Variants in JRK observed in about 807,000 individuals in gnomAD.
The protein encoded by JRK is Jrk helix-turn-helix protein.
For synonymous variants in JRK, 303 were observed against 218.1 expected, an observed-to-expected ratio of 1.39 and a Z score of -3.43; for missense variants, 720 against 509.2, an observed-to-expected ratio of 1.41 and a Z score of -3.98.
chr8:142,667,996 G>A lies in JRK; in HGVS notation c.-462-1476C>T, dbSNP rs139590027. Among the ~76,000 whole-genome samples, 23 of 152,352 alleles carry A rather than the reference G, an allele frequency of 1.5e-4. 1 individual carries two copies. The East Asian group carries it at 4.2e-3, about 28-fold the overall frequency. On this transcript the variant is annotated intron_variant, in intron 1 of 1. Transcript: ENST00000612905. ...TCACCCAGTTAAGACACTGCTGAGGGTGGTGAGGGCTGAAAAGCTGTTTGC... is the reference window on the plus strand; with the variant it reads ...TCACCCAGTTAAGACACTGCTGAGGATGGTGAGGGCTGAAAAGCTGTTTGC...
In JRK at chr8:142,668,923, C is replaced by T. The variant is rs587769266; in HGVS notation, c.-463+1009G>A. ...TCCCCAGTCAGCCCCTCACAAGCTA[C>T]TGTGGGATTCCCTGTCTCCCCGAAA... On this transcript the variant is annotated intron_variant, in intron 1 of 1. Transcript: ENST00000612905. Among the ~76,000 whole-genome samples, 6 of 151,850 alleles carry T rather than the reference C, an allele frequency of 4.0e-5. No homozygotes were observed. The South Asian group carries it at 1.0e-3, about 26-fold the overall frequency.
Position 142,658,518 on chromosome 8 carries a change from T to C in JRK, c.*5834A>G, listed in dbSNP as rs148047570. 6.6e-5 allele frequency: 14 copies of C among 211,460 alleles called. No individual in the cohort carries two copies. The East Asian group carries it at 1.6e-3, about 24-fold the overall frequency. The allele number at this position is 211,460 out of a possible 1,614,324, so 13.1% of individuals were successfully genotyped here. A position where few individuals can be genotyped will look rare whatever the true frequency, so the allele number is the denominator to read the frequency against. ...ACAGGCGTGAGCCACTGCACCCAGC[T>C]TGAAGATGGCAGTTTTCTTGTATGC... On this transcript the variant is annotated 3_prime_UTR_variant, in exon 2 of 2. Coordinates refer to ENST00000612905, the MANE Select transcript of JRK (RefSeq NM_003724.4).
intron 1 of JRK, among the ~76,000 whole-genome samples, chr8:142,668,845 G>T (rs1554636698): frequency 6.6e-6 from 1 of 151,726 alleles, no homozygotes; most frequent in Admixed American, 6.6e-5. Flanking sequence ...TGTCCACAAG[G>T]AGCCCGTGTC....
the JRK span, among the ~76,000 whole-genome samples, chr8:142,649,919 G>A: frequency 1.4e-4 from 22 of 152,340 alleles, no homozygotes; most frequent in African/African-American, 5.3e-4. Context: ...AGCTTGCACC[G>A]TGTGCCTGGA....
In JRK at chr8:142,663,295, A is replaced by T. The variant is rs1262893607; in HGVS notation, c.*1057T>A. The T allele has an allele frequency of 2.7e-5, 27 of 985,356 alleles. No homozygotes were observed. The highest frequency in any genetic ancestry group is 3.3e-5 in the Non-Finnish European group (27 of 829,938). The allele number at this position is 985,356 out of a possible 1,614,324, so 61.0% of individuals were successfully genotyped here. A position where few individuals can be genotyped will look rare whatever the true frequency, so the allele number is the denominator to read the frequency against. Reference sequence around the variant, plus strand: ...GAGATGCCGCAAAGCAACTACAGACATGGAGAAAATAACCACATCCTCTTA... The same window carrying T: ...GAGATGCCGCAAAGCAACTACAGACTTGGAGAAAATAACCACATCCTCTTA... On this transcript the variant is annotated 3_prime_UTR_variant, in exon 2 of 2. Coordinates refer to ENST00000612905, the MANE Select transcript of JRK (RefSeq NM_003724.4).
At chr8:142,667,811 G>A (rs181041279) in intron 1 of JRK, among the ~76,000 whole-genome samples, 21 of 152,214 alleles carry the variant, frequency 1.4e-4, no homozygotes, top group East Asian at 5.8e-4. Context: ...AAGACAATGC[G>A]GGTCATTCTC....
At chr8:142,653,274 T>A (rs947628770), downstream of JRK, among the ~76,000 whole-genome samples, 13 of 152,236 alleles carry the variant, frequency 8.5e-5, no homozygotes, top group Admixed American at 7.9e-4. Context: ...TCTGCTAAGA[T>A]GTAGGGATAA....
Position 142,658,755 on chromosome 8 carries a change from G to C in JRK, c.*5597C>G, listed in dbSNP as rs1056012. 1.2e-4 allele frequency: 184 copies of C among 1,507,354 alleles called. 1 individual carries two copies. The Middle Eastern group carries it at 2.9e-3, about 23-fold the overall frequency. 93.4% of individuals were successfully genotyped at this position (1,507,354 alleles called of 1,614,324 possible). A position where few individuals can be genotyped will look rare whatever the true frequency, so the allele number is the denominator to read the frequency against. On this transcript the variant is annotated 3_prime_UTR_variant, in exon 2 of 2. Coordinates refer to ENST00000612905, the MANE Select transcript of JRK (RefSeq NM_003724.4). ...CAGTCCTTAACACCATCGTCATGGAGATGGAGGCCACAGACCTACCAACAC... is the reference window on the plus strand; with the variant it reads ...CAGTCCTTAACACCATCGTCATGGACATGGAGGCCACAGACCTACCAACAC...
chr8:142,666,101 G>C lies in JRK; in HGVS notation c.-43C>G, dbSNP rs782061988. On this transcript the variant is annotated 5_prime_UTR_variant, in exon 2 of 2. Transcript: ENST00000612905. Reference sequence around the variant, plus strand: ...CCTAGCACTTGCAGGACACACGCCTGGCCTGGGCTGCTGCCACTACTTCCC... The same window carrying C: ...CCTAGCACTTGCAGGACACACGCCTCGCCTGGGCTGCTGCCACTACTTCCC... 1.3e-6 allele frequency: 2 copies of C among 1,565,188 alleles called. No homozygotes were observed. Among genetic ancestry groups the C allele is most frequent in the Non-Finnish European group, 1.7e-6 (2 of 1,155,390 alleles).
the JRK span, among the ~76,000 whole-genome samples, chr8:142,651,723 A>G: frequency 6.6e-6 from 1 of 152,182 alleles, no homozygotes; most frequent in Non-Finnish European, 1.5e-5. Context: ...AAAACAAACA[A>G]TTGCACAACT....
Position 142,659,222 on chromosome 8 carries a change from C to A in JRK, c.*5130G>T. 8.7e-7 allele frequency: 1 copy of A among 1,143,008 alleles called. No homozygotes were observed. The allele number at this position is 1,143,008 out of a possible 1,614,324, so 70.8% of individuals were successfully genotyped here. A position where few individuals can be genotyped will look rare whatever the true frequency, so the allele number is the denominator to read the frequency against. ...TTTCACACACATCAGAAATAGGGAA[C>A]CCAAGACCTCGAGAGAGGAAATGGG... On this transcript the variant is annotated 3_prime_UTR_variant, in exon 2 of 2. Transcript: ENST00000612905.
chr8:142,659,758 A>G lies in JRK; in HGVS notation c.*4594T>C, dbSNP rs3735993. On this transcript the variant is annotated 3_prime_UTR_variant, in exon 2 of 2. Transcript: ENST00000612905. ...GCTCAAGGTCATGCAGCTGGTGAAC[A>G]GCAGGGAGTGAGCAGTGGAGAACGT... The G allele has an allele frequency of 0.67, 662,736 of 985,306 alleles. 224,313 individuals carry two copies. The highest frequency in any genetic ancestry group is 0.71 in the Admixed American group (11,591 of 16,284). The allele number at this position is 985,306 out of a possible 1,614,324, so 61.0% of individuals were successfully genotyped here.
chr8:142,659,027 G>A lies in JRK; in HGVS notation c.*5325C>T, dbSNP rs1382041264. 1 of 1,483,874 alleles carries A rather than the reference G, an allele frequency of 6.7e-7. No homozygotes were observed. Among genetic ancestry groups the A allele is most frequent in the Non-Finnish European group, 9.0e-7 (1 of 1,109,670 alleles). The allele number at this position is 1,483,874 out of a possible 1,614,324, so 91.9% of individuals were successfully genotyped here. ...GGGTGTAGTCACTTCCCTCTGCCAG[G>A]GAGAATGGTGGAGGAAGAATGGATT... On this transcript the variant is annotated 3_prime_UTR_variant, in exon 2 of 2. Coordinates refer to ENST00000612905, the MANE Select transcript of JRK (RefSeq NM_003724.4).
intron 1 of JRK, among the ~76,000 whole-genome samples, chr8:142,667,818 T>A (rs782031640): frequency 4.6e-5 from 7 of 152,156 alleles, no homozygotes; most frequent in Non-Finnish European, 7.4e-5. Context: ...TGCGGGTCAT[T>A]CTCATCCCTT....
the JRK span, among the ~76,000 whole-genome samples, chr8:142,646,008 TAGAA>T: frequency 6.6e-6 from 1 of 151,948 alleles, no homozygotes; most frequent in African/African-American, 2.4e-5. Flanking sequence ...CACTTTTTTT[TAGAA>T]AGAATGTTTT....
Position 142,660,518 on chromosome 8 carries a change from G to A in JRK, c.*3834C>T. The A allele has an allele frequency of 1.3e-6, 1 of 792,004 alleles. No homozygotes were observed. Among genetic ancestry groups the A allele is most frequent in the Non-Finnish European group, 1.5e-6 (1 of 654,020 alleles). 49.1% of individuals were successfully genotyped at this position (792,004 alleles called of 1,614,324 possible). On this transcript the variant is annotated 3_prime_UTR_variant, in exon 2 of 2. Coordinates refer to ENST00000612905, the MANE Select transcript of JRK (RefSeq NM_003724.4). ...TGGGCTTGGGGATCCTCCCGCCTCG[G>A]CCTCCTGAGTAGCTGGGGTTACAGG...
rs1846989420 is a variant in JRK at position 142,663,697 on chromosome 8, A to G, written c.*655T>C. ...TGGGGCCCCCCAACATCTTGGGGCC[A>G]GAGCCCATGGGACAGGATCTGCGGG... On this transcript the variant is annotated 3_prime_UTR_variant, in exon 2 of 2. Transcript: ENST00000612905. The G allele has an allele frequency of 1.2e-5, 12 of 985,512 alleles. No homozygotes were observed. Among genetic ancestry groups the G allele is most frequent in the Non-Finnish European group, 1.4e-5 (12 of 829,958 alleles). The allele number at this position is 985,512 out of a possible 1,614,324, so 61.0% of individuals were successfully genotyped here.
chr8:142,662,689 G>A lies in JRK; in HGVS notation c.*1663C>T, dbSNP rs782800240. On this transcript the variant is annotated 3_prime_UTR_variant, in exon 2 of 2. Coordinates refer to ENST00000612905, the MANE Select transcript of JRK (RefSeq NM_003724.4). Reference sequence around the variant, plus strand: ...TGACTTTTGCCCCTGTATCTACAGAGATGTGAAAGTACGAGAAACCACAGC... The same window carrying A: ...TGACTTTTGCCCCTGTATCTACAGAAATGTGAAAGTACGAGAAACCACAGC... The A allele has an allele frequency of 2.0e-6, 2 of 985,478 alleles. No homozygotes were observed. The highest frequency in any genetic ancestry group is 2.4e-6 in the Non-Finnish European group (2 of 829,950). 61.0% of individuals were successfully genotyped at this position (985,478 alleles called of 1,614,324 possible). A position where few individuals can be genotyped will look rare whatever the true frequency, so the allele number is the denominator to read the frequency against.
rs1846975702 is a variant in JRK, at chr8:142,663,290, C to T, written c.*1062G>A. On this transcript the variant is annotated 3_prime_UTR_variant, in exon 2 of 2. Transcript: ENST00000612905. ...AAATGGAGATGCCGCAAAGCAACTA[C>T]AGACATGGAGAAAATAACCACATCC... 2.0e-6 allele frequency: 2 copies of T among 985,338 alleles called. No homozygotes were observed. Among genetic ancestry groups the T allele is most frequent in the Non-Finnish European group, 1.2e-6 (1 of 829,956 alleles). The allele number at this position is 985,338 out of a possible 1,614,324, so 61.0% of individuals were successfully genotyped here.
Sources: allele counts gnomAD v4.1 joint callset (sites outside exome capture counted in the v4.1 genomes callset), GRCh38; gene constraint gnomAD v4.1.1; transcripts MANE v1.5; gene names NCBI Gene and HGNC (gene_info 2026-07-23, HGNC 2026-07-21).